The following LIFR variants were observed in gnomAD, a reference collection of about 807,000 sequenced individuals.
LIFR encodes LIF receptor subunit alpha, also known as leukemia inhibitory factor receptor.
LIFR carries 84 observed loss-of-function variants against 122.2 expected under a neutral mutation model. The ratio of observed to expected loss-of-function variants is 0.69; its 90% CI spans 0.58 to 0.82. The LOEUF (loss-of-function observed/expected upper bound fraction) is 0.82, where lower values mean the gene tolerates loss of function less well. Among genes scored for constraint, LIFR ranks in the 40% least tolerant of loss-of-function variants. The probability of loss-of-function intolerance (pLI) is 0.00; values close to 1 mark genes in which losing one functional copy is unlikely to be tolerated. For missense variants in LIFR, 1,294 were observed against 1,311.6 expected, an observed-to-expected ratio of 0.99 and a Z score of 0.21; for synonymous variants, 422 against 434.7, an observed-to-expected ratio of 0.97 and a Z score of 0.36.
At chr5:38,491,503 G>C (rs1279317723) in intron 14 of LIFR, among the ~76,000 whole-genome samples, 1 of 152,256 alleles carries the variant, frequency 6.6e-6, no homozygotes, top group Non-Finnish European at 1.5e-5. Context: ...ATGCTCATCA[G>C]TGGTGGTCGA....
intron 5 of LIFR, among the ~76,000 whole-genome samples, chr5:38,512,654 TA>T (rs1191258948): frequency 5.9e-5 from 9 of 151,600 alleles, no homozygotes; most frequent in African/African-American, 2.2e-4. Context: ...CAACAAAAAA[TA>T]AATAAATAAA....
chr5:38,541,540 A>G lies in LIFR; in HGVS notation c.-19-10874T>C, dbSNP rs545178841. Among the ~76,000 whole-genome samples, 8 of 152,364 alleles carry G rather than the reference A, an allele frequency of 5.3e-5. No homozygotes were observed. In the East Asian group the frequency reaches 9.6e-4, roughly 18 times the overall value. ...AATTCAAGCTGTGTAAACAGAGTGA[A>G]GAGGCTGCTTTTATCACATGATCAA... On this transcript the variant is annotated intron_variant, in intron 1 of 19. Transcript: ENST00000453190.
intron 1 of LIFR, among the ~76,000 whole-genome samples, chr5:38,584,841 T>C (rs896945169): frequency 1.3e-5 from 2 of 152,126 alleles, no homozygotes; most frequent in African/African-American, 4.8e-5. Context: ...TTTTGTTAAA[T>C]AAGTAGAGTT....
At position 38,475,418 on chromosome 5, in the gene LIFR, A is replaced by C. The variant is rs1743679428; in HGVS notation, c.*6177T>G. 5.0e-6 allele frequency: 1 copy of C among 198,120 alleles called. No individual in the cohort carries two copies. 12.3% of individuals were successfully genotyped at this position (198,120 alleles called of 1,614,324 possible). A position where few individuals can be genotyped will look rare whatever the true frequency, so the allele number is the denominator to read the frequency against. ...AACATGATTTTAGGTACAGCACATC[A>C]CAACTGTTTATTCACCTTAAAAAAA... On this transcript the variant is annotated 3_prime_UTR_variant, in exon 20 of 20. Coordinates refer to ENST00000453190, the MANE Select transcript of LIFR (RefSeq NM_001127671.2).
At chr5:38,518,048 G>A (rs975482918) in intron 5 of LIFR, among the ~76,000 whole-genome samples, 4 of 151,000 alleles carry the variant, frequency 2.6e-5, no homozygotes, top group Non-Finnish European at 5.9e-5. Context: ...GGAGTTTGAG[G>A]CTGCAGTCAG....
At chr5:38,566,425 TC>T (rs1333749581) in intron 1 of LIFR, among the ~76,000 whole-genome samples, 1 of 152,178 alleles carries the variant, frequency 6.6e-6, no homozygotes, top group Non-Finnish European at 1.5e-5. Context: ...GAATCTTTTT[TC>T]CCCCAGCCAC....
intron 1 of LIFR, among the ~76,000 whole-genome samples, chr5:38,541,801 G>C (rs1747605848): frequency 6.6e-6 from 1 of 152,146 alleles, no homozygotes; most frequent in Admixed American, 6.5e-5. Context: ...ATGGATGTCA[G>C]GGTCCAAAAT....
intron 12 of LIFR, among the ~76,000 whole-genome samples, chr5:38,497,760 T>G (rs1268281329): frequency 6.6e-6 from 1 of 152,192 alleles, no homozygotes; most frequent in East Asian, 1.9e-4. Context: ...ACTTTTTACT[T>G]TTCCATAATA....
intron 1 of LIFR, among the ~76,000 whole-genome samples, chr5:38,539,245 G>A (rs770856269): frequency 1.3e-5 from 2 of 152,002 alleles, no homozygotes; most frequent in East Asian, 1.9e-4. Flanking sequence ...CACCGCGCCC[G>A]GCCTTCCTCT....
intron 14 of LIFR, chr5:38,490,547 G>GATTT (rs1346033984): frequency 1.5e-5 from 3 of 206,504 alleles, no homozygotes; most frequent in African/African-American, 7.0e-5. Flanking sequence ...GAACAACGAT[G>GATTT]ATTTAAGGCT....
chr5:38,481,327 T>C lies in LIFR; in HGVS notation c.*268A>G. 1 of 520,536 alleles carries C rather than the reference T, an allele frequency of 1.9e-6. No individual in the cohort carries two copies. Among genetic ancestry groups the C allele is most frequent in the Non-Finnish European group, 3.5e-6 (1 of 288,624 alleles). The allele number at this position is 520,536 out of a possible 1,614,324, so 32.2% of individuals were successfully genotyped here. On this transcript the variant is annotated 3_prime_UTR_variant, in exon 20 of 20. Coordinates refer to ENST00000453190, the MANE Select transcript of LIFR (RefSeq NM_001127671.2). ...TAGGTATTAGCCTTGAAATGCTTCT[T>C]GAAGGTAGAGTACATGAGAATTCTT...
intron 1 of LIFR, among the ~76,000 whole-genome samples, chr5:38,576,967 T>C (rs1039681833): frequency 6.6e-6 from 1 of 152,182 alleles, no homozygotes; most frequent in Admixed American, 6.5e-5. Flanking sequence ...TGAACCATAC[T>C]GCATTTGTCT....
chr5:38,575,071 T>A (rs1264159845), intron 1 of LIFR, among the ~76,000 whole-genome samples: 1 of 152,144 alleles, frequency 6.6e-6, no homozygotes, highest in African/African-American at 2.4e-5. Flanking sequence ...GCAGAACAGA[T>A]CAACTGTTTT....
chr5:38,563,857 C>T (rs1353049473), intron 1 of LIFR, among the ~76,000 whole-genome samples: 3 of 152,160 alleles, frequency 2.0e-5, no homozygotes, highest in East Asian at 1.9e-4. Flanking sequence ...CGCTATGTTC[C>T]ACTTCAGTGC....
At chr5:38,552,879 A>G (rs1171208117) in intron 1 of LIFR, among the ~76,000 whole-genome samples, 1 of 152,232 alleles carries the variant, frequency 6.6e-6, no homozygotes, top group African/African-American at 2.4e-5. Context: ...CATTTACTCA[A>G]TAACTATTCA....
At chr5:38,501,772 T>G (rs981313265) in intron 11 of LIFR, among the ~76,000 whole-genome samples, 4 of 141,720 alleles carry the variant, frequency 2.8e-5, no homozygotes, top group African/African-American at 5.1e-5. Context: ...TATTTCTGAG[T>G]TTTTTTTTTT....
chr5:38,549,365 T>C (rs962510449), intron 1 of LIFR, among the ~76,000 whole-genome samples: 2 of 152,132 alleles, frequency 1.3e-5, no homozygotes, highest in African/African-American at 4.8e-5. Context: ...ATTGAGTATC[T>C]TTCCACATCT....
intron 6 of LIFR, 64 bp from the exon 7 acceptor site, chr5:38,510,782 A>G (rs1300504019): frequency 7.3e-7 from 1 of 1,372,968 alleles, no homozygotes; most frequent in African/African-American, 1.5e-5. Context: ...ACTTTTCTGC[A>G]TTTTAAGACT....
chr5:38,541,258 G>C (rs1747576186), intron 1 of LIFR, among the ~76,000 whole-genome samples: 1 of 152,164 alleles, frequency 6.6e-6, no homozygotes, highest in Admixed American at 6.5e-5. Context: ...ATTTCAGAAA[G>C]GGGCATTCTT....
Sources: allele counts gnomAD v4.1 joint callset (sites outside exome capture counted in the v4.1 genomes callset), GRCh38; gene constraint gnomAD v4.1.1; transcripts MANE v1.5; gene names NCBI Gene and HGNC (gene_info 2026-07-23, HGNC 2026-07-21).